The following GULP1 variants were observed in gnomAD, a reference collection of about 807,000 sequenced individuals.
The protein encoded by GULP1 is GULP PTB domain containing engulfment adaptor 1.
In GULP1, 19 loss-of-function variants were observed where a neutral mutation model predicts 40.9. The ratio of observed to expected loss-of-function variants is 0.46; its 90% confidence interval spans 0.32 to 0.68. The LOEUF is 0.68. GULP1 is among the 30% of genes least tolerant of loss of function. The pLI is 0.03. For synonymous variants in GULP1, 119 were observed against 117.6 expected, an observed-to-expected ratio of 1.01 and a Z score of -0.08; for missense variants, 312 against 362.2, an observed-to-expected ratio of 0.86 and a Z score of 1.12.
At chr2:188,554,592 G>T (rs922417016) in intron 7 of GULP1, among the ~76,000 whole-genome samples, 1 of 151,350 alleles carries the variant, frequency 6.6e-6, no homozygotes, top group Non-Finnish European at 1.5e-5. Context: ...AATGTTCTAT[G>T]TGCTAATGAA....
intron 1 of GULP1, among the ~76,000 whole-genome samples, chr2:188,374,826 G>T (rs902520102): frequency 2.6e-5 from 4 of 152,148 alleles, no homozygotes; most frequent in East Asian, 3.9e-4. Context: ...GGAGGGGAGG[G>T]TGTTGGGTGG....
At chr2:188,316,752 A>G (rs4992742) in intron 1 of GULP1, among the ~76,000 whole-genome samples, 23,010 of 152,150 alleles carry the variant, frequency 0.15, 1,892 homozygotes, top group African/African-American at 0.17. Flanking sequence ...ATCATGTAAT[A>G]ATCTGGTATT....
At chr2:188,524,771 A>G (rs1009013956) in intron 5 of GULP1, among the ~76,000 whole-genome samples, 6 of 151,668 alleles carry the variant, frequency 4.0e-5, no homozygotes, top group Non-Finnish European at 7.4e-5. Context: ...CTCTTTGATC[A>G]TACTTACACA....
At chr2:188,502,107 A>G (rs1315347739) in intron 4 of GULP1, among the ~76,000 whole-genome samples, 1 of 151,960 alleles carries the variant, frequency 6.6e-6, no homozygotes, top group Admixed American at 6.6e-5. Context: ...GAATTATAGT[A>G]GATAGGTATA....
chr2:188,521,551 C>G (rs529281805), intron 4 of GULP1, among the ~76,000 whole-genome samples: 1 of 152,212 alleles, frequency 6.6e-6, no homozygotes, highest in African/African-American at 2.4e-5. Flanking sequence ...TCTTACATGG[C>G]AGCAGGCAAG....
chr2:188,380,056 A>G (rs989034656), intron 1 of GULP1, among the ~76,000 whole-genome samples: 2 of 152,190 alleles, frequency 1.3e-5, no homozygotes, highest in African/African-American at 4.8e-5. Flanking sequence ...TTGGGCATTC[A>G]ATAGCTGTCC....
At chr2:188,460,641 T>G (rs2059626441) in intron 2 of GULP1, among the ~76,000 whole-genome samples, 3 of 152,196 alleles carry the variant, frequency 2.0e-5, no homozygotes, top group African/African-American at 7.2e-5. Context: ...CTGCCCTTTA[T>G]TTCTTTCTCT....
At chr2:188,326,331 A>G (rs143876881) in intron 1 of GULP1, among the ~76,000 whole-genome samples, 2 of 152,282 alleles carry the variant, frequency 1.3e-5, no homozygotes, top group Non-Finnish European at 2.9e-5. Context: ...ATACTTTACT[A>G]TCTTTAATTA....
At chr2:188,399,197 G>A (rs1300294052) in intron 2 of GULP1, among the ~76,000 whole-genome samples, 1 of 152,142 alleles carries the variant, frequency 6.6e-6, no homozygotes, top group Non-Finnish European at 1.5e-5. Flanking sequence ...TAAAATTTGA[G>A]GGTAATCAGA....
intron 1 of GULP1, among the ~76,000 whole-genome samples, chr2:188,301,267 T>G (rs530012084): frequency 1.3e-5 from 2 of 152,308 alleles, no homozygotes; most frequent in South Asian, 2.1e-4. Flanking sequence ...TAAACAATTC[T>G]CTGGCTTTGA....
chr2:188,399,690 GAAAAAAAAAAAA>G (rs55877284), intron 2 of GULP1, among the ~76,000 whole-genome samples: 2 of 64,676 alleles, frequency 3.1e-5, no homozygotes, highest in Admixed American at 5.1e-4. Context: ...GTCCCTACAA[GAAAAAAAAAAAA>G]AAAAAAAAAA....
At chr2:188,560,963 G>T (rs922046139) in intron 7 of GULP1, among the ~76,000 whole-genome samples, 1 of 152,120 alleles carries the variant, frequency 6.6e-6, no homozygotes, top group Non-Finnish European at 1.5e-5. Context: ...CTCCCACCAG[G>T]TCCCACCTCT....
In GULP1 at chr2:188,587,879, C is replaced by A. The variant is rs1294313101; in HGVS notation, c.773C>A (p.Pro258His). ...EIKRDLFGAE[P>H]FDPFNCGAAD... ...GAACGGGACCTGTTTGGAGCAGAAC[C>A]TTTTGACCCATTTAACTGTGGAGCA... The change falls in exon 11 of 12, where the codon CCT (proline) becomes CAT (histidine). Residue 258 changes from proline (P) to histidine (H), a missense_variant. Physicochemically the swap from Pro to His is moderately conservative, Grantham distance 77. Coordinates refer to ENST00000409830, the MANE Select transcript of GULP1 (RefSeq NM_016315.4). The A allele has an allele frequency of 1.2e-6, 2 of 1,609,180 alleles. No individual in the cohort carries two copies. The highest frequency in any genetic ancestry group is 1.3e-5 in the African/African-American group (1 of 74,936).
At chr2:188,365,304 C>T (rs961315497) in intron 1 of GULP1, among the ~76,000 whole-genome samples, 1 of 152,082 alleles carries the variant, frequency 6.6e-6, no homozygotes, top group Admixed American at 6.6e-5. Flanking sequence ...GAAGGTTAAT[C>T]TTGTAAGGGA....
chr2:188,469,462 G>C (rs1037557505), intron 2 of GULP1, among the ~76,000 whole-genome samples: 19 of 152,138 alleles, frequency 1.2e-4, no homozygotes, highest in African/African-American at 4.6e-4. Context: ...GGTTTAACTG[G>C]CTCACGGTTC....
At chr2:188,354,206 A>G (rs572978415) in intron 1 of GULP1, among the ~76,000 whole-genome samples, 2 of 151,980 alleles carry the variant, frequency 1.3e-5, no homozygotes, top group Non-Finnish European at 2.9e-5. Flanking sequence ...AATTTTTACC[A>G]TCTCAGAGTC....
intron 7 of GULP1, among the ~76,000 whole-genome samples, chr2:188,551,235 C>G (rs1693374981): frequency 6.6e-6 from 1 of 151,556 alleles, no homozygotes; most frequent in Non-Finnish European, 1.5e-5. Flanking sequence ...TAACTATAGT[C>G]ACCTTACTCT....
At chr2:188,402,095 C>T (rs2052375869) in intron 2 of GULP1, among the ~76,000 whole-genome samples, 1 of 152,058 alleles carries the variant, frequency 6.6e-6, no homozygotes, top group Admixed American at 6.5e-5. Flanking sequence ...TCCATTAACA[C>T]GTAATGGATG....
intron 2 of GULP1, among the ~76,000 whole-genome samples, chr2:188,470,910 A>G (rs776165394): frequency 4.6e-5 from 7 of 152,138 alleles, no homozygotes; most frequent in Non-Finnish European, 1.0e-4. Context: ...TGTTCTGTAA[A>G]TATCTGTTAC....
Sources: gnomAD v4.1 joint callset for allele counts (sites outside exome capture counted in the v4.1 genomes callset) on GRCh38, gnomAD v4.1.1 for gene constraint, MANE v1.5 for transcripts, NCBI Gene and HGNC (gene_info 2026-07-23, HGNC 2026-07-21) for gene names.